The following CCDC141 variants were observed in gnomAD, a reference collection of about 807,000 sequenced individuals.
CCDC141 encodes the protein coiled-coil domain containing 141.
A neutral mutation model predicts 181.0 loss-of-function variants in CCDC141; 168 were observed. That is an observed-to-expected ratio of 0.93 (90% CI 0.82 to 1.05). The LOEUF is 1.05. CCDC141 is among the 50% of genes least tolerant of loss of function. The pLI is 0.00. For synonymous variants in CCDC141, 666 were observed against 642.3 expected, an observed-to-expected ratio of 1.04 and a Z score of -0.56; for missense variants, 1,902 against 1,788.5, an observed-to-expected ratio of 1.06 and a Z score of -1.14.
chr2:179,022,819 T>C (rs1041550136), intron 2 of CCDC141, among the ~76,000 whole-genome samples: 1 of 152,148 alleles, frequency 6.6e-6, no homozygotes, highest in African/African-American at 2.4e-5. Context: ...AGGCACACAG[T>C]AGACAGGGAA....
chr2:179,035,486 A>G (rs1043739603), intron 2 of CCDC141, among the ~76,000 whole-genome samples: 15 of 152,066 alleles, frequency 9.9e-5, no homozygotes, highest in Admixed American at 2.0e-4. Context: ...GCAACCATTT[A>G]CTTTGTTCAT....
intron 2 of CCDC141, among the ~76,000 whole-genome samples, chr2:179,010,865 A>G (rs1249287937): frequency 6.6e-6 from 1 of 152,206 alleles, no homozygotes; most frequent in Non-Finnish European, 1.5e-5. Context: ...TCCACTTAAA[A>G]GATACAGAAC....
chr2:178,876,581 G>A (rs920801793), intron 12 of CCDC141: 5 of 152,052 alleles, frequency 3.3e-5, no homozygotes, highest in Non-Finnish European at 7.4e-5. Context: ...ATGAAGTAGC[G>A]GCTGAATGAA....
chr2:178,952,027 G>A (rs1376262371), intron 5 of CCDC141, among the ~76,000 whole-genome samples: 1 of 152,248 alleles, frequency 6.6e-6, no homozygotes, highest in African/African-American at 2.4e-5. Context: ...ATAAGTATAA[G>A]TGATCTAAAG....
chr2:178,983,290 A>T (rs1177116924), intron 2 of CCDC141, among the ~76,000 whole-genome samples: 2 of 151,320 alleles, frequency 1.3e-5, no homozygotes, highest in African/African-American at 4.9e-5. Flanking sequence ...AACAGAAATG[A>T]CATCCACACC....
the CCDC141 span, chr2:178,817,802 C>T: frequency 3.4e-6 from 1 of 298,016 alleles, no homozygotes; most frequent in South Asian, 3.1e-5. Context: ...TTCCTCCCTC[C>T]CTCCCTCCCT....
chr2:178,982,413 A>G (rs182056650), intron 2 of CCDC141, among the ~76,000 whole-genome samples: 12 of 152,354 alleles, frequency 7.9e-5, no homozygotes, highest in African/African-American at 2.9e-4. Flanking sequence ...AAAGACTTGT[A>G]CATTGAAAAC....
chr2:179,021,318 T>C (rs560007738), intron 2 of CCDC141, among the ~76,000 whole-genome samples: 1 of 152,316 alleles, frequency 6.6e-6, no homozygotes, highest in South Asian at 2.1e-4. Context: ...TATGCAAACC[T>C]AATTGCCCAT....
chr2:178,959,634 T>C (rs1416023015), intron 5 of CCDC141, among the ~76,000 whole-genome samples: 3 of 152,130 alleles, frequency 2.0e-5, no homozygotes, highest in African/African-American at 7.2e-5. Flanking sequence ...TGAGAGTGTA[T>C]AATGGCTAGA....
chr2:178,996,168 C>T (rs1692279492), intron 2 of CCDC141, among the ~76,000 whole-genome samples: 1 of 151,250 alleles, frequency 6.6e-6, no homozygotes, highest in Non-Finnish European at 1.5e-5. Context: ...CTCACTGCAA[C>T]CTCTGCCTCC....
intron 5 of CCDC141, among the ~76,000 whole-genome samples, chr2:178,951,195 G>A (rs1390714855): frequency 1.3e-5 from 2 of 152,190 alleles, no homozygotes; most frequent in Non-Finnish European, 2.9e-5. Flanking sequence ...GTGTATCCCT[G>A]CCAAAGATAT....
intron 6 of CCDC141, among the ~76,000 whole-genome samples, chr2:178,941,153 A>G (rs1052884400): frequency 1.3e-5 from 2 of 152,220 alleles, no homozygotes; most frequent in Admixed American, 6.5e-5. Flanking sequence ...AACTCTCATC[A>G]TAGACAGCCT....
chr2:178,921,535 T>G (rs1028874683), intron 6 of CCDC141, among the ~76,000 whole-genome samples: 4 of 151,940 alleles, frequency 2.6e-5, no homozygotes, highest in African/African-American at 9.7e-5. Context: ...TAAAACAGGT[T>G]TTTTTTTGTG....
intron 8 of CCDC141, among the ~76,000 whole-genome samples, chr2:178,895,367 G>C (rs891481687): frequency 2.0e-5 from 3 of 152,146 alleles, no homozygotes; most frequent in African/African-American, 7.2e-5. Context: ...ACCCAGGGCA[G>C]GGATTTCTGC....
At chr2:178,924,552 ACT>A (rs1344352766) in intron 6 of CCDC141, among the ~76,000 whole-genome samples, 1 of 151,938 alleles carries the variant, frequency 6.6e-6, no homozygotes, top group Non-Finnish European at 1.5e-5. Flanking sequence ...AGAAGTTGAA[ACT>A]CTGATTATGT....
At chr2:178,927,695 G>C (rs1240520208) in intron 6 of CCDC141, among the ~76,000 whole-genome samples, 1 of 152,132 alleles carries the variant, frequency 6.6e-6, no homozygotes, top group Admixed American at 6.5e-5. Flanking sequence ...GAGTGGAGGT[G>C]GGGTGGGGAG....
intron 2 of CCDC141, among the ~76,000 whole-genome samples, chr2:179,017,171 C>T (rs2042566105): frequency 6.6e-6 from 1 of 152,008 alleles, no homozygotes; most frequent in African/African-American, 2.4e-5. Flanking sequence ...AAAGTGCATA[C>T]TGGTGGCCTG....
chr2:179,003,617 A>G (rs2042045305), intron 2 of CCDC141, among the ~76,000 whole-genome samples: 1 of 152,172 alleles, frequency 6.6e-6, no homozygotes, highest in Non-Finnish European at 1.5e-5. Context: ...TTGTGTATTT[A>G]TCAACCACTT....
Position 178,956,172 on chromosome 2 carries a change from C to A in CCDC141, c.780+5058G>T, listed in dbSNP as rs373957262. On this transcript the variant is annotated intron_variant, in intron 5 of 23. Coordinates refer to ENST00000443758, the MANE Select transcript of CCDC141 (RefSeq NM_173648.4). ...CAGCCAACAGTCTGGCCCCAGGATCCGTACTCTTACAAGCATAAAGAGACA... is the reference window on the plus strand; with the variant it reads ...CAGCCAACAGTCTGGCCCCAGGATCAGTACTCTTACAAGCATAAAGAGACA... Among the ~76,000 whole-genome samples, 4 of 152,288 alleles carry A rather than the reference C, an allele frequency of 2.6e-5. No homozygotes were observed. In the East Asian group the frequency reaches 7.7e-4, roughly 29 times the overall value.
Sources: allele counts gnomAD v4.1 joint callset (sites outside exome capture counted in the v4.1 genomes callset), GRCh38; gene constraint gnomAD v4.1.1; transcripts MANE v1.5; gene names NCBI Gene and HGNC (gene_info 2026-07-23, HGNC 2026-07-21).